Variants in PIP4K2A observed in about 807,000 individuals in gnomAD.
PIP4K2A encodes the protein phosphatidylinositol-5-phosphate 4-kinase type 2 alpha, also known as phosphatidylinositol 5-phosphate 4-kinase type-2 alpha.
Under a neutral mutation model 42.9 loss-of-function variants are expected in PIP4K2A, and 14 were observed. The ratio of observed to expected loss-of-function variants is 0.33; its 90% CI spans 0.22 to 0.51. The LOEUF is 0.51. Ranked by LOEUF, PIP4K2A falls within the 20% of genes least tolerant of loss-of-function variation. PIP4K2A has a pLI of 0.97. For synonymous variants in PIP4K2A, 192 were observed against 192.2 expected (o/e 1.00, Z 0.01); for missense variants, 434 against 519.8 (o/e 0.83, Z 1.61).
chr10:22,601,021 T>C (rs1412741680), intron 3 of PIP4K2A, among the ~76,000 whole-genome samples: 1 of 146,068 alleles, frequency 6.8e-6, no homozygotes, highest in East Asian at 2.0e-4. Context: ...AGCAACAGAG[T>C]TGCAGAAACT....
intron 1 of PIP4K2A, among the ~76,000 whole-genome samples, chr10:22,632,286 A>G (rs1838566623): frequency 6.6e-6 from 1 of 152,192 alleles, no homozygotes; most frequent in African/African-American, 2.4e-5. Flanking sequence ...CCTCATATTC[A>G]TAACTGTACT....
At chr10:22,546,127 C>G (rs1836253487) in intron 7 of PIP4K2A, among the ~76,000 whole-genome samples, 1 of 152,198 alleles carries the variant, frequency 6.6e-6, no homozygotes, top group Non-Finnish European at 1.5e-5. Context: ...CAGTTCCATG[C>G]TTGACGAGTT....
chr10:22,663,565 G>C (rs1839249956), intron 1 of PIP4K2A, among the ~76,000 whole-genome samples: 1 of 152,058 alleles, frequency 6.6e-6, no homozygotes, highest in Non-Finnish European at 1.5e-5. Context: ...TTCATTAAAA[G>C]TTTGGGGCTT....
At chr10:22,632,594 T>C (rs765455161) in intron 1 of PIP4K2A, among the ~76,000 whole-genome samples, 7 of 152,246 alleles carry the variant, frequency 4.6e-5, no homozygotes, top group Non-Finnish European at 8.8e-5. Context: ...CAATGTCATC[T>C]GCTCTATTCC....
chr10:22,669,971 C>A (rs1048604814), intron 1 of PIP4K2A, among the ~76,000 whole-genome samples: 2 of 152,180 alleles, frequency 1.3e-5, no homozygotes, highest in South Asian at 4.1e-4. Context: ...CAGCATGATG[C>A]ATACATAAAT....
chr10:22,678,297 G>A (rs955157156), intron 1 of PIP4K2A, among the ~76,000 whole-genome samples: 4 of 151,738 alleles, frequency 2.6e-5, no homozygotes, highest in Non-Finnish European at 5.9e-5. Context: ...AGCAGATACG[G>A]CACCACACAT....
chr10:22,656,476 A>T (rs892825124), intron 1 of PIP4K2A, among the ~76,000 whole-genome samples: 1 of 152,168 alleles, frequency 6.6e-6, no homozygotes, highest in South Asian at 2.1e-4. Context: ...AGTGGTGAAC[A>T]CGGTAAGGCT....
chr10:22,601,684 C>T (rs1371799391), intron 3 of PIP4K2A, among the ~76,000 whole-genome samples: 1 of 152,222 alleles, frequency 6.6e-6, no homozygotes, highest in African/African-American at 2.4e-5. Flanking sequence ...CCCACAAGCA[C>T]GACTGTGCCA....
chr10:22,674,099 C>T (rs1839508818), intron 1 of PIP4K2A, among the ~76,000 whole-genome samples: 2 of 152,100 alleles, frequency 1.3e-5, no homozygotes, highest in Non-Finnish European at 1.5e-5. Context: ...CTGCTTTCTC[C>T]TATTTCTAAT....
At chr10:22,608,923 CA>C (rs35818280) in intron 2 of PIP4K2A, among the ~76,000 whole-genome samples, 27,422 of 152,174 alleles carry the variant, frequency 0.18, 3,176 homozygotes, top group Non-Finnish European at 0.26. Flanking sequence ...ATTTGAGGTT[CA>C]CCCTAATCAT....
intron 4 of PIP4K2A, among the ~76,000 whole-genome samples, chr10:22,578,837 AAC>A (rs1362300370): frequency 1.3e-5 from 2 of 152,194 alleles, no homozygotes; most frequent in African/African-American, 4.8e-5. Flanking sequence ...TTTCATATAC[AAC>A]TGTTGAATAA....
intron 1 of PIP4K2A, among the ~76,000 whole-genome samples, chr10:22,650,303 G>A (rs1838966590): frequency 6.6e-6 from 1 of 152,072 alleles, no homozygotes; most frequent in African/African-American, 2.4e-5. Context: ...ACCCAGACTG[G>A]AGTATATAGT....
chr10:22,541,690 G>T, intron 8 of PIP4K2A, 114 bp downstream of exon 8: 1 of 1,198,628 alleles, frequency 8.3e-7, no homozygotes, highest in Non-Finnish European at 1.1e-6. Context: ...GGAGTTTGGA[G>T]GATGAGTGCT....
chr10:22,696,637 GTTC>G (rs1158586243), intron 1 of PIP4K2A, among the ~76,000 whole-genome samples: 9 of 152,042 alleles, frequency 5.9e-5, no homozygotes, highest in Non-Finnish European at 1.0e-4. Flanking sequence ...AATTTTTAAA[GTTC>G]TTATTTTGAA....
chr10:22,549,453 G>C (rs1836344248), intron 7 of PIP4K2A, among the ~76,000 whole-genome samples: 1 of 151,796 alleles, frequency 6.6e-6, no homozygotes, highest in Non-Finnish European at 1.5e-5. Context: ...GTACACAAAT[G>C]AATGAAAGCA....
At chr10:22,545,702 A>G (rs1306601300) in intron 7 of PIP4K2A, among the ~76,000 whole-genome samples, 1 of 152,206 alleles carries the variant, frequency 6.6e-6, no homozygotes, top group Non-Finnish European at 1.5e-5. Context: ...TGGGCATTGC[A>G]CATGTTTTCT....
chr10:22,684,950 A>C (rs1839730872), intron 1 of PIP4K2A, among the ~76,000 whole-genome samples: 1 of 152,160 alleles, frequency 6.6e-6, no homozygotes, highest in Non-Finnish European at 1.5e-5. Flanking sequence ...CCAGCTAGTA[A>C]AACAGGGTGC....
At chr10:22,569,651 G>T (rs1279271030) in intron 5 of PIP4K2A, among the ~76,000 whole-genome samples, 1 of 152,064 alleles carries the variant, frequency 6.6e-6, no homozygotes, top group East Asian at 1.9e-4. Context: ...TGGGGTGTGT[G>T]TGTCTGTGTG....
rs1332194971 is a variant in PIP4K2A at position 22,542,051 on chromosome 10, G to C, written c.793-4C>G. On this transcript the variant is annotated splice_polypyrimidine_tract_variant and splice_region_variant and intron_variant, in intron 7 of 9. Transcript: ENST00000376573. The stretch of plus-strand genomic sequence containing the variant: ...TGAGCTTCAGCTGGGCCAGAAACTG[G>C]GGACAGAGGCAACAGGGTGAGTCAG... The C allele has an allele frequency of 6.2e-7, 1 of 1,603,074 alleles. No homozygotes were observed. The highest frequency in any genetic ancestry group is 8.5e-7 in the Non-Finnish European group (1 of 1,174,592).
Sources: gnomAD v4.1 joint callset for allele counts (sites outside exome capture counted in the v4.1 genomes callset) on GRCh38, gnomAD v4.1.1 for gene constraint, MANE v1.5 for transcripts, NCBI Gene and HGNC (gene_info 2026-07-23, HGNC 2026-07-21) for gene names.